Variants in IGSF11 observed in about 807,000 individuals in gnomAD.
The protein encoded by IGSF11 is CXADR like 1.
In IGSF11, 22 loss-of-function variants were observed where a neutral mutation model predicts 41.0. The ratio of observed to expected loss-of-function variants is 0.54; its 90% confidence interval spans 0.38 to 0.77. The LOEUF (loss-of-function observed/expected upper bound fraction) is 0.77, where lower values mean the gene tolerates loss of function less well. IGSF11 is among the 30% of genes least tolerant of loss of function. IGSF11 has a pLI of 0.00. For synonymous variants in IGSF11, 219 were observed against 201.3 expected, an observed-to-expected ratio of 1.09 and a Z score of -0.74; for missense variants, 444 against 530.8, an observed-to-expected ratio of 0.84 and a Z score of 1.61.
chr3:119,120,157 C>T (rs190483210), intron 1 of IGSF11, among the ~76,000 whole-genome samples: 38 of 152,292 alleles, frequency 2.5e-4, no homozygotes, highest in Admixed American at 2.5e-3. Context: ...AACCCTTTGG[C>T]AAAGCATGAA....
chr3:119,104,625 C>T (rs1480198002), intron 1 of IGSF11, among the ~76,000 whole-genome samples: 2 of 152,074 alleles, frequency 1.3e-5, no homozygotes, highest in African/African-American at 2.4e-5. Context: ...GAAAATTGAA[C>T]CTTTAAAAGG....
At chr3:119,130,100 C>G (rs139229117) in intron 1 of IGSF11, among the ~76,000 whole-genome samples, 1 of 151,904 alleles carries the variant, frequency 6.6e-6, no homozygotes, top group Non-Finnish European at 1.5e-5. Flanking sequence ...CCAAGATGGC[C>G]GAATAGGAAC....
chr3:118,998,018 T>C (rs1214537761), intron 1 of IGSF11, among the ~76,000 whole-genome samples: 1 of 152,198 alleles, frequency 6.6e-6, no homozygotes, highest in African/African-American at 2.4e-5. Context: ...AACTACTGTA[T>C]ACAAACACTT....
chr3:119,002,103 T>C lies in IGSF11; in HGVS notation c.52+32428A>G, dbSNP rs1435628075. On this transcript the variant is annotated intron_variant, in intron 1 of 6. Transcript: ENST00000393775. ...AGTCCCACCAACAGTGTAAAAGTGT[T>C]CCTATTTCTCCACATCCTCTCCAGC... Among the ~76,000 whole-genome samples the C allele has an allele frequency of 2.2e-5, 3 of 134,372 alleles. No individual in the cohort carries two copies. The East Asian group carries it at 6.2e-4, about 28-fold the overall frequency. The allele number at this position is 134,372 out of a possible 152,430, so 88.2% of individuals were successfully genotyped here.
At chr3:118,976,706 T>C (rs1934150740) in intron 1 of IGSF11, among the ~76,000 whole-genome samples, 1 of 152,340 alleles carries the variant, frequency 6.6e-6, no homozygotes, top group South Asian at 2.1e-4. Context: ...ACTTGCTTCA[T>C]TCCTCATATA....
At chr3:119,112,717 G>C (rs549182226) in intron 1 of IGSF11, 1 of 154,110 alleles carries the variant, frequency 6.5e-6, no homozygotes, top group Non-Finnish European at 1.4e-5. Context: ...GACCGGAGCT[G>C]TTCCTATTCG....
intron 4 of IGSF11, among the ~76,000 whole-genome samples, chr3:118,922,406 C>G (rs879300254): frequency 2.1e-4 from 26 of 123,050 alleles, no homozygotes; most frequent in Non-Finnish European, 2.8e-4. Context: ...CACATAACTA[C>G]CTTTGTGTGT....
At chr3:119,074,286 T>TA (rs1189968211) in intron 1 of IGSF11, among the ~76,000 whole-genome samples, 3 of 151,800 alleles carry the variant, frequency 2.0e-5, no homozygotes, top group East Asian at 3.9e-4. Flanking sequence ...TCAACAAATT[T>TA]AAAAAAATAG....
intron 1 of IGSF11, among the ~76,000 whole-genome samples, chr3:119,048,119 C>A (rs1941448284): frequency 1.3e-5 from 2 of 151,808 alleles, no homozygotes; most frequent in South Asian, 4.2e-4. Flanking sequence ...CATTCAAAAG[C>A]TAGCAGAAGG....
intron 1 of IGSF11, among the ~76,000 whole-genome samples, chr3:118,933,470 T>TTTTATA (rs1553754814): frequency 4.1e-5 from 6 of 146,148 alleles, no homozygotes; most frequent in African/African-American, 1.3e-4. Flanking sequence ...CATGTATTTT[T>TTTTATA]TATATATATA....
rs1330097295 is a variant in IGSF11 at position 119,089,521 on chromosome 3, G to A, written c.49+15623C>T. ...GCATTCTCCTTTAGAATTGGAACAA[G>A]ACGAGGATGCCCACTCTCACCACTC... is the stretch of plus-strand genomic sequence containing the variant. On this transcript the variant is annotated intron_variant, in intron 1 of 6. Coordinates refer to the IGSF11 transcript ENST00000354673. Among the ~76,000 whole-genome samples the A allele has an allele frequency of 2.6e-5, 4 of 152,194 alleles. No homozygotes were observed. The South Asian group carries it at 6.2e-4, about 24-fold the overall frequency.
At chr3:119,140,035 A>G (rs936396685) in intron 1 of IGSF11, among the ~76,000 whole-genome samples, 1 of 152,178 alleles carries the variant, frequency 6.6e-6, no homozygotes, top group Non-Finnish European at 1.5e-5. Context: ...ACAGCAATCA[A>G]ATTTAAAAGG....
chr3:118,983,980 G>A (rs958934153), intron 1 of IGSF11, among the ~76,000 whole-genome samples: 6 of 152,040 alleles, frequency 3.9e-5, no homozygotes, highest in African/African-American at 1.4e-4. Context: ...AGTCATGGTA[G>A]GGGGAAGTCC....
At chr3:119,089,779 C>T (rs573097219) in intron 1 of IGSF11, among the ~76,000 whole-genome samples, 2 of 152,300 alleles carry the variant, frequency 1.3e-5, no homozygotes, top group South Asian at 2.1e-4. Flanking sequence ...AATCTCAGCA[C>T]TTTGGGAGGC....
chr3:118,945,276 A>G (rs899781881), intron 1 of IGSF11, among the ~76,000 whole-genome samples: 11 of 152,206 alleles, frequency 7.2e-5, no homozygotes, highest in Admixed American at 7.2e-4. Flanking sequence ...AGTAGCATCA[A>G]ACTTCTCAAG....
At position 118,991,630 on chromosome 3, in the gene IGSF11, T is replaced by C. The variant is rs530486504; in HGVS notation, c.52+42901A>G. Among the ~76,000 whole-genome samples the C allele has an allele frequency of 6.4e-4, 97 of 152,350 alleles. No individual in the cohort carries two copies. The South Asian group carries it at 0.01, about 16-fold the overall frequency. Reference sequence around the variant, plus strand: ...TCAACTGCCACTTAATTTTCTTTCATAAAAACATTATTAGCCTCTGCCTTT... The same window carrying C: ...TCAACTGCCACTTAATTTTCTTTCACAAAAACATTATTAGCCTCTGCCTTT... On this transcript the variant is annotated intron_variant, in intron 1 of 6. Coordinates refer to ENST00000393775, the MANE Select transcript of IGSF11 (RefSeq NM_001015887.3).
chr3:118,960,044 CAAAAAAAAAAAA>C (rs199913346), intron 1 of IGSF11, among the ~76,000 whole-genome samples: 1 of 81,122 alleles, frequency 1.2e-5, no homozygotes, highest in Non-Finnish European at 2.5e-5. Flanking sequence ...GACTCCGTCT[CAAAAAAAAAAAA>C]AAAAGAAATA....
At chr3:118,941,455 T>G (rs1943695520) in intron 1 of IGSF11, among the ~76,000 whole-genome samples, 1 of 152,168 alleles carries the variant, frequency 6.6e-6, no homozygotes, top group Admixed American at 6.6e-5. Flanking sequence ...ATATATTATA[T>G]TAACACGACA....
chr3:118,996,761 G>A (rs1936309877), intron 1 of IGSF11, among the ~76,000 whole-genome samples: 1 of 151,948 alleles, frequency 6.6e-6, no homozygotes, highest in Admixed American at 6.6e-5. Flanking sequence ...CACAATGCCT[G>A]GCTAATTTTT....
Sources: gnomAD v4.1 joint callset for allele counts (sites outside exome capture counted in the v4.1 genomes callset) on GRCh38, gnomAD v4.1.1 for gene constraint, MANE v1.5 for transcripts, NCBI Gene and HGNC (gene_info 2026-07-23, HGNC 2026-07-21) for gene names.